Variants in ZFYVE21 observed in about 807,000 individuals in gnomAD.
ZFYVE21 encodes zinc finger FYVE-type containing 21.
Under a neutral mutation model 29.5 loss-of-function variants are expected in ZFYVE21, and 21 were observed. The observed-to-expected ratio is 0.71, with a 90% confidence interval of 0.50 to 1.02. ZFYVE21 has a LOEUF of 1.02. ZFYVE21 is among the 50% of genes least tolerant of loss of function. The pLI, the probability that ZFYVE21 is intolerant of heterozygous loss-of-function variation, is 0.00. For synonymous variants in ZFYVE21, 151 were observed against 133.8 expected (o/e 1.13, Z -0.89); for missense variants, 326 against 335.4 (o/e 0.97, Z 0.22).
In ZFYVE21 at chr14:103,716,911, A is replaced by AG. The variant is rs527552360; in HGVS notation, c.138+932_138+933insG. On this transcript the variant is annotated intron_variant, in intron 1 of 6. Transcript: ENST00000311141. The surrounding 1 kb of genome is among the most constrained non-coding windows in gnomAD (Gnocchi z 4.8). The stretch of plus-strand genomic sequence containing the variant: ...TGGATTTTACCACGATAAAAAAAAA[A>AG]TTGGGGGAGAAAAAGAATTTTTGTA... Among the ~76,000 whole-genome samples the AG allele has an allele frequency of 4.4e-4, 67 of 152,306 alleles. No homozygotes were observed. Among genetic ancestry groups the AG allele is most frequent in the African/African-American group, 1.5e-3 (63 of 41,554 alleles).
At chr14:103,731,456 A>T (rs1808504221) in intron 5 of ZFYVE21, 1 of 151,472 alleles carries the variant, frequency 6.6e-6, no homozygotes, top group African/African-American at 2.4e-5. Flanking sequence ...AAAAAAAAAA[A>T]AAAATAGCTG....
intron 1 of ZFYVE21, chr14:103,725,887 C>T (rs1010695344): frequency 6.6e-6 from 1 of 152,308 alleles, no homozygotes; most frequent in Non-Finnish European, 1.5e-5. Context: ...GCTGTGACCC[C>T]TTGGGGAAAG....
At position 103,726,980 on chromosome 14, in the gene ZFYVE21, T is replaced by C; in HGVS notation, c.189+138T>C. ...TTTTTTTTGAGACGGAGTTTCGCTCTTGTCGCCCAGGCTGGAGTGCAGTGG... is the reference window on the plus strand; with the variant it reads ...TTTTTTTTGAGACGGAGTTTCGCTCCTGTCGCCCAGGCTGGAGTGCAGTGG... On this transcript the variant is annotated intron_variant, in intron 2 of 6. Transcript: ENST00000311141. The C allele has an allele frequency of 4.2e-6, 3 of 708,786 alleles. No homozygotes were observed. The East Asian group carries it at 9.9e-5, about 23-fold the overall frequency. 43.9% of individuals were successfully genotyped at this position (708,786 alleles called of 1,614,324 possible). A position where few individuals can be genotyped will look rare whatever the true frequency, so the allele number is the denominator to read the frequency against.
chr14:103,731,490 T>A (rs2083973882), intron 5 of ZFYVE21: 1 of 149,554 alleles, frequency 6.7e-6, no homozygotes, highest in African/African-American at 2.5e-5. Context: ...ACGCCTGTAA[T>A]CCCAGCTACT....
chr14:103,723,058 C>T (rs1304834406), intron 1 of ZFYVE21, among the ~76,000 whole-genome samples: 3 of 152,220 alleles, frequency 2.0e-5, no homozygotes, highest in Non-Finnish European at 4.4e-5. Flanking sequence ...ATATTGAGAG[C>T]CCTCTCCCCT....
At chr14:103,728,846 T>C in intron 3 of ZFYVE21, 62 bp from the exon 4 acceptor site, 1 of 1,538,662 alleles carries the variant, frequency 6.5e-7, no homozygotes, top group Non-Finnish European at 9.0e-7. Context: ...CTGGTACTCG[T>C]GGGAAGGGTT....
Position 103,732,730 on chromosome 14 carries a change from C to T in ZFYVE21, c.637C>T (p.Gln213Ter). The T allele has an allele frequency of 6.2e-7, 1 of 1,613,152 alleles. No homozygotes were observed. The highest frequency in any genetic ancestry group is 8.5e-7 in the Non-Finnish European group (1 of 1,179,704). Residue 213 changes from glutamine to a stop codon, truncating the protein, a stop_gained, in exon 6 of 7, where the codon CAG (glutamine) becomes TAG (stop). Transcript: ENST00000311141. LOFTEE classifies it high-confidence loss of function. The stretch of plus-strand genomic sequence containing the variant: ...GGAGGACGTGACTGTGGGCAGGAGG[C>T]AGGCGGTGGCGTGGCTAGTGGCCAT... ...VVEDVTVGRR[Q>*]AVAWLVAMHK...
chr14:103,718,421 C>T (rs574268466), intron 1 of ZFYVE21, among the ~76,000 whole-genome samples: 13 of 152,324 alleles, frequency 8.5e-5, no homozygotes, highest in Admixed American at 3.9e-4. Flanking sequence ...CACCTTTCTC[C>T]GAGAGGTGGC....
intron 2 of ZFYVE21, chr14:103,727,207 A>G (rs2083935328): frequency 2.9e-6 from 1 of 344,236 alleles, no homozygotes; most frequent in Non-Finnish European, 5.6e-6. Context: ...CGGCCTCCCA[A>G]AGTGCTGGGA....
intron 1 of ZFYVE21, among the ~76,000 whole-genome samples, chr14:103,721,256 T>A (rs1359486028): frequency 6.6e-6 from 1 of 152,198 alleles, no homozygotes; most frequent in Non-Finnish European, 1.5e-5. Context: ...TTTACTGGAC[T>A]AGCAAGGAGG....
chr14:103,722,351 C>CTTT (rs34926725), intron 1 of ZFYVE21, among the ~76,000 whole-genome samples: 1,445 of 108,290 alleles, frequency 0.013, 59 homozygotes, highest in Non-Finnish European at 0.017. Flanking sequence ...TGGTCTGTCT[C>CTTT]TTTTTTTTTT....
In ZFYVE21 at chr14:103,716,488, G is replaced by A. The variant is rs1382329253; in HGVS notation, c.138+509G>A. ...GAACCGGGGGAGGCGTCGGTGCCGC[G>A]GGCGGGTGGCCGGTTCCGAAGCCAC... On this transcript the variant is annotated intron_variant, in intron 1 of 6. Coordinates refer to ENST00000311141, the MANE Select transcript of ZFYVE21 (RefSeq NM_024071.4). This position sits in a 1 kb window ranked among gnomAD's most constrained non-coding sequence, Gnocchi z 4.8. 6.6e-6 allele frequency among the ~76,000 whole-genome samples: 1 copy of A among 152,214 alleles called. No homozygotes were observed. The highest frequency in any genetic ancestry group is 1.5e-5 in the Non-Finnish European group (1 of 68,028).
intron 3 of ZFYVE21, 96 bp from the exon 4 acceptor site, chr14:103,728,812 T>G: frequency 8.3e-7 from 1 of 1,202,758 alleles, no homozygotes; most frequent in Non-Finnish European, 1.2e-6. Flanking sequence ...GTTTTTACTC[T>G]GTCCTCTGTG....
At chr14:103,728,085 C>T (rs2083945217) in intron 3 of ZFYVE21, 171 bp downstream of exon 3, 1 of 689,612 alleles carries the variant, frequency 1.5e-6, no homozygotes, top group Admixed American at 3.5e-5. Context: ...AGAGCCTTCC[C>T]TTCTTTTCAG....
Position 103,718,304 on chromosome 14 carries a change from G to A in ZFYVE21, c.138+2325G>A, listed in dbSNP as rs143795169. Reference sequence around the variant, plus strand: ...GGAGTCTGAATCCAGCCCAGTGCCCGTCTCCCGAATACCAGCTGCCTGACC... The same window carrying A: ...GGAGTCTGAATCCAGCCCAGTGCCCATCTCCCGAATACCAGCTGCCTGACC... On this transcript the variant is annotated intron_variant, in intron 1 of 6. Coordinates refer to ENST00000311141, the MANE Select transcript of ZFYVE21 (RefSeq NM_024071.4). Among the ~76,000 whole-genome samples the A allele has an allele frequency of 6.6e-5, 10 of 152,146 alleles. No homozygotes were observed. The South Asian group carries it at 8.3e-4, about 13-fold the overall frequency.
At position 103,715,900 on chromosome 14, in the gene ZFYVE21, G is replaced by T; in HGVS notation, c.59G>T (p.Gly20Val). The T allele has an allele frequency of 6.9e-7, 1 of 1,440,174 alleles. No individual in the cohort carries two copies. Among genetic ancestry groups the T allele is most frequent in the Admixed American group, 2.5e-5 (1 of 40,544 alleles). 89.2% of individuals were successfully genotyped at this position (1,440,174 alleles called of 1,614,324 possible). The part of the protein sequence containing the change: ...DAKKLVRSPS[G>V]LRMVPEHRAF... ...AAGAAGCTGGTGCGCTCCCCGAGCG[G>T]CCTGCGCATGGTGCCCGAACACCGC... Residue 20 changes from glycine to valine, a missense_variant, in exon 1 of 7, where the codon GGC becomes GTC. Coordinates refer to ENST00000311141, the MANE Select transcript of ZFYVE21 (RefSeq NM_024071.4).
chr14:103,730,267 A>G, intron 5 of ZFYVE21: 2 of 207,270 alleles, frequency 9.6e-6, no homozygotes, highest in South Asian at 1.9e-4. Context: ...AGCCTCCTGG[A>G]TGGTGAGGTG....
chr14:103,733,146 T>G lies in ZFYVE21; in HGVS notation c.*128T>G. ...TGCTGGGAAATGCAACTCACTCATG[T>G]ATTTGGAGAAACAGGAGTGTTCACT... On this transcript the variant is annotated 3_prime_UTR_variant, in exon 7 of 7. Transcript: ENST00000311141. The G allele has an allele frequency of 7.9e-7, 1 of 1,263,592 alleles. No individual in the cohort carries two copies. The highest frequency in any genetic ancestry group is 1.1e-6 in the Non-Finnish European group (1 of 886,182). 78.3% of individuals were successfully genotyped at this position (1,263,592 alleles called of 1,614,324 possible). A position where few individuals can be genotyped will look rare whatever the true frequency, so the allele number is the denominator to read the frequency against.
At chr14:103,728,150 G>GT (rs979079867) in intron 3 of ZFYVE21, 4 of 459,552 alleles carry the variant, frequency 8.7e-6, no homozygotes, top group Non-Finnish European at 1.5e-5. Flanking sequence ...CGTCCATCAG[G>GT]TGGGAGGGGA....
Sources: allele counts gnomAD v4.1 joint callset (sites outside exome capture counted in the v4.1 genomes callset), GRCh38; gene constraint gnomAD v4.1.1; non-coding constraint Gnocchi (gnomAD v3.1); transcripts MANE v1.5; gene names NCBI Gene and HGNC (gene_info 2026-07-23, HGNC 2026-07-21).